Variants in SNAPC4 observed in about 807,000 individuals in gnomAD.
The protein encoded by SNAPC4 is small nuclear RNA activating complex polypeptide 4, also known as snRNA-activating protein complex subunit 4.
SNAPC4 carries 127 observed loss-of-function variants against 151.3 expected under a neutral mutation model. That is an observed-to-expected ratio of 0.84 (90% confidence interval 0.73 to 0.97). The LOEUF (loss-of-function observed/expected upper bound fraction) is 0.97, where lower values mean the gene tolerates loss of function less well. Ranked by LOEUF, SNAPC4 falls within the 50% of genes least tolerant of loss-of-function variation. The probability of loss-of-function intolerance (pLI) is 0.00; values close to 1 mark genes in which losing one functional copy is unlikely to be tolerated. For missense variants in SNAPC4, 2,186 were observed against 1,935.0 expected, an observed-to-expected ratio of 1.13 and a Z score of -2.43; for synonymous variants, 1,002 against 824.4, an observed-to-expected ratio of 1.22 and a Z score of -3.69.
intron 10 of SNAPC4, among the ~76,000 whole-genome samples, chr9:136,390,857 G>A (rs1834048146): frequency 6.8e-6 from 1 of 148,132 alleles, no homozygotes. Context: ...TTTTTTTTGA[G>A]ACGGAGTCTT....
rs368413331 is a variant in SNAPC4, at chr9:136,396,770, G to C, written c.177+207C>G. 3.9e-5 allele frequency among the ~76,000 whole-genome samples: 6 copies of C among 152,340 alleles called. No homozygotes were observed. In the South Asian group the frequency reaches 6.2e-4, roughly 16 times the overall value. On this transcript the variant is annotated intron_variant, in intron 3 of 23. Transcript: ENST00000684778. ...AGCAATGAGCTCAGAAAAAACCCAA[G>C]GGGTGTGATCACCAAGCTGTTAACA...
intron 1 of SNAPC4, among the ~76,000 whole-genome samples, chr9:136,399,072 G>A (rs143133367): frequency 6.6e-6 from 1 of 152,220 alleles, no homozygotes; most frequent in Non-Finnish European, 1.5e-5. Flanking sequence ...TTTTTCTTAG[G>A]AACTGTGGTC....
At chr9:136,380,018 C>T (rs913219246) in intron 20 of SNAPC4, among the ~76,000 whole-genome samples, 154 bp from the exon 21 acceptor site, 3 of 152,168 alleles carry the variant, frequency 2.0e-5, no homozygotes, top group African/African-American at 7.2e-5. Flanking sequence ...GTAGGAACTC[C>T]GGGGCCACAG....
chr9:136,375,969 C>T (rs1833430237), intron 23 of SNAPC4, among the ~76,000 whole-genome samples, 169 bp from the exon 24 acceptor site: 1 of 152,214 alleles, frequency 6.6e-6, no homozygotes, highest in South Asian at 2.1e-4. Context: ...ACCAGGGCTC[C>T]AGCAGTGAAG....
chr9:136,390,946 T>C (rs2131500045), intron 10 of SNAPC4, among the ~76,000 whole-genome samples: 1 of 152,174 alleles, frequency 6.6e-6, no homozygotes, highest in South Asian at 2.1e-4. Context: ...GCCATTCTCC[T>C]GCCTCAGCCT....
chr9:136,384,582 G>A, intron 14 of SNAPC4, 138 bp downstream of exon 14: 2 of 521,042 alleles, frequency 3.8e-6, no homozygotes, highest in East Asian at 6.6e-5. Context: ...CCAAAAGTTT[G>A]AGGCTGCAGT....
chr9:136,388,797 G>A (rs1020180209), intron 10 of SNAPC4, among the ~76,000 whole-genome samples: 1 of 152,176 alleles, frequency 6.6e-6, no homozygotes, highest in African/African-American at 2.4e-5. Flanking sequence ...ATAGGACCAG[G>A]AAGGACCAGG....
chr9:136,381,895 G>A lies in SNAPC4; in HGVS notation c.2246C>T (p.Thr749Ile). 6.2e-7 allele frequency: 1 copy of A among 1,612,958 alleles called. No individual in the cohort carries two copies. The highest frequency in any genetic ancestry group is 8.5e-7 in the Non-Finnish European group (1 of 1,180,008). The stretch of plus-strand genomic sequence containing the variant: ...CACGACAACGTCCCCTACCCAAGGG[G>A]TCACAGCCAGCAGCAGCCTGCGGTT... ...LLNRRLLLAV[T>I]PWVGDVVVPC... is the part of the protein sequence containing the mutation. The change falls in exon 18 of 24, where the codon ACC becomes ATC. Residue 749 changes from threonine (T) to isoleucine (I), a missense_variant. Coordinates refer to ENST00000684778, the MANE Select transcript of SNAPC4 (RefSeq NM_003086.4).
chr9:136,381,777 C>A, intron 18 of SNAPC4, 47 bp downstream of exon 18: 1 of 1,578,330 alleles, frequency 6.3e-7, no homozygotes, highest in South Asian at 1.2e-5. Flanking sequence ...ACTCTTCATC[C>A]TCACCCCTCG....
chr9:136,392,763 T>C lies in SNAPC4; in HGVS notation c.647A>G (p.His216Arg). 6.2e-7 allele frequency: 1 copy of C among 1,613,298 alleles called. No homozygotes were observed. Among genetic ancestry groups the C allele is most frequent in the East Asian group, 2.2e-5 (1 of 44,872 alleles). The stretch of plus-strand genomic sequence containing the variant: ...ACTGGAGACTTTGCTCTGCTTCTGG[T>C]GCAAGTACTCGAGCCTGCAAAGCAG... ...QPKLLKLEYLHQKQSKVSSEL... is the reference protein window; with the variant it reads ...QPKLLKLEYLRQKQSKVSSEL... The change falls in exon 8 of 24, where the codon CAC becomes CGC. Residue 216 changes from histidine to arginine, a missense_variant. Physicochemically the swap from His to Arg is conservative, Grantham distance 29. Transcript: ENST00000684778.
At chr9:136,391,897 C>G (rs142783472) in intron 10 of SNAPC4, 45 bp downstream of exon 10, 1 of 1,574,324 alleles carries the variant, frequency 6.4e-7, no homozygotes, top group Non-Finnish European at 8.6e-7. Flanking sequence ...AGGGCCCACA[C>G]GCCCTCAGGT....
chr9:136,391,291 A>T (rs1207467721), intron 10 of SNAPC4, among the ~76,000 whole-genome samples: 1 of 152,216 alleles, frequency 6.6e-6, no homozygotes, highest in Non-Finnish European at 1.5e-5. Context: ...ATATATTTGA[A>T]AAATGGAGAT....
chr9:136,399,079 G>A (rs1030506105), intron 1 of SNAPC4, among the ~76,000 whole-genome samples: 3 of 152,238 alleles, frequency 2.0e-5, no homozygotes, highest in Admixed American at 6.5e-5. Flanking sequence ...TAGGAACTGT[G>A]GTCCAGGAAG....
chr9:136,390,488 G>A (rs1305782914), intron 10 of SNAPC4, among the ~76,000 whole-genome samples: 1 of 145,824 alleles, frequency 6.9e-6, no homozygotes, highest in Non-Finnish European at 1.5e-5. Flanking sequence ...CCGGGAGGCG[G>A]AGCTTGCGGT....
Position 136,391,966 on chromosome 9 carries a change from C to A in SNAPC4, c.951G>T (p.Trp317Cys). ...AIAAAHGHLE[W>C]QKIAEELGTS... ...CCCCCAGCTCCTCTGCAATCTTCTG[C>A]CACTCCAGGTGGCCGTGTGCAGCCG... The change falls in exon 10 of 24, where the codon TGG (tryptophan) becomes TGT (cysteine). Residue 317 changes from tryptophan to cysteine, a missense_variant. By Grantham distance (215) the Trp-to-Cys change is radical. Transcript: ENST00000684778. 6.2e-7 allele frequency: 1 copy of A among 1,605,456 alleles called. No individual in the cohort carries two copies. The highest frequency in any genetic ancestry group is 1.1e-5 in the South Asian group (1 of 91,072).
chr9:136,379,886 G>A, intron 20 of SNAPC4, 22 bp from the exon 21 acceptor site: 1 of 1,609,242 alleles, frequency 6.2e-7, no homozygotes, highest in Non-Finnish European at 8.5e-7. Flanking sequence ...AGAGAGGAGA[G>A]TCAGCAGCTC....
chr9:136,396,498 C>CCT, intron 3 of SNAPC4, among the ~76,000 whole-genome samples: 1 of 152,278 alleles, frequency 6.6e-6, no homozygotes, highest in East Asian at 1.9e-4. Flanking sequence ...CTCACTGGAG[C>CCT]CTCGGCCTCC....
At chr9:136,394,428 C>A (rs1228268409) in intron 6 of SNAPC4, 98 bp from the exon 7 acceptor site, 4 of 1,069,278 alleles carry the variant, frequency 3.7e-6, no homozygotes, top group Non-Finnish European at 5.8e-6. Context: ...TGGTGGGGGG[C>A]CCCACAGCGA....
intron 13 of SNAPC4, among the ~76,000 whole-genome samples, chr9:136,385,561 C>A (rs1010987052): frequency 6.3e-5 from 9 of 143,652 alleles, no homozygotes; most frequent in East Asian, 2.0e-4. Flanking sequence ...CACTCCCCCC[C>A]CTTTTGTTTT....
Sources: allele counts gnomAD v4.1 joint callset (sites outside exome capture counted in the v4.1 genomes callset), GRCh38; gene constraint gnomAD v4.1.1; transcripts MANE v1.5; gene names NCBI Gene and HGNC (gene_info 2026-07-23, HGNC 2026-07-21).